The following SENP5 variants were observed in gnomAD, a reference collection of about 807,000 sequenced individuals.
The protein encoded by SENP5 is SUMO specific peptidase 5.
A neutral mutation model predicts 74.2 loss-of-function variants in SENP5; 21 were observed. That is an observed-to-expected ratio of 0.28 (90% CI 0.20 to 0.41). The LOEUF (loss-of-function observed/expected upper bound fraction) is 0.41, where lower values mean the gene tolerates loss of function less well. SENP5 is among the 10% of genes least tolerant of loss of function. SENP5 has a pLI of 1.00. For synonymous variants in SENP5, 311 were observed against 312.7 expected (o/e 0.99, Z 0.06); for missense variants, 717 against 889.1 (o/e 0.81, Z 2.46).
intron 7 of SENP5, 64 bp downstream of exon 7, chr3:196,923,615 T>C: frequency 9.0e-7 from 1 of 1,114,270 alleles, no homozygotes; most frequent in Non-Finnish European, 1.3e-6. Flanking sequence ...ATCTTAGCTC[T>C]AGATAGAACA....
At position 196,931,848 on chromosome 3, in the gene SENP5, A is replaced by G; in HGVS notation, c.*925A>G. 4.6e-6 allele frequency: 2 copies of G among 430,460 alleles called. No homozygotes were observed. The highest frequency in any genetic ancestry group is 3.3e-5 in the South Asian group (2 of 60,046). 26.7% of individuals were successfully genotyped at this position (430,460 alleles called of 1,614,324 possible). On this transcript the variant is annotated 3_prime_UTR_variant, in exon 10 of 10. Coordinates refer to ENST00000323460, the MANE Select transcript of SENP5 (RefSeq NM_152699.5). ...GTTAAGGTTTACCAAATGCATTTCT[A>G]TTTCAAGGGTATCTGAAACGTAAAC...
At chr3:196,898,500 C>T (rs1188286310) in intron 2 of SENP5, among the ~76,000 whole-genome samples, 2 of 151,540 alleles carry the variant, frequency 1.3e-5, no homozygotes, top group African/African-American at 2.4e-5. Context: ...ACTATCCAAG[C>T]AGGAGGATGG....
chr3:196,930,419 G>A (rs1188784665), intron 9 of SENP5, among the ~76,000 whole-genome samples: 1 of 152,044 alleles, frequency 6.6e-6, no homozygotes, highest in African/African-American at 2.4e-5. Context: ...CTATAATTTG[G>A]GTAAATGCTT....
intron 1 of SENP5, among the ~76,000 whole-genome samples, chr3:196,878,085 G>A (rs1425677881): frequency 6.6e-6 from 1 of 152,130 alleles, no homozygotes; most frequent in Non-Finnish European, 1.5e-5. Context: ...CAACAATATC[G>A]TGAAAGCTGG....
rs754002717 is a variant in SENP5, at chr3:196,927,807, G to T, written c.2034G>T (p.Lys678Asn). Residue 678 changes from lysine (K) to asparagine (N), a missense_variant, in exon 8 of 10, where the codon AAG becomes AAT. Coordinates refer to ENST00000323460, the MANE Select transcript of SENP5 (RefSeq NM_152699.5). Reference sequence around the variant, plus strand: ...TTCTTTTTAACCAGAATATAAGAAAGTATTTGCTGACTGAAGCCAGAGAAA... The same window carrying T: ...TTCTTTTTAACCAGAATATAAGAAATTATTTGCTGACTGAAGCCAGAGAAA... ...HFKFCVENIR[K>N]YLLTEAREKN... is the part of the protein sequence containing the mutation. 6.2e-7 allele frequency: 1 copy of T among 1,606,042 alleles called. No individual in the cohort carries two copies.
chr3:196,900,069 A>G lies in SENP5; in HGVS notation c.1758+7A>G, dbSNP rs754991048. ...GAACTGGCTGAATGACCAGGTTAGTATATTGTAGTTTTTCAGTGTGGAGAA... is the reference window on the plus strand; with the variant it reads ...GAACTGGCTGAATGACCAGGTTAGTGTATTGTAGTTTTTCAGTGTGGAGAA... On this transcript the variant is annotated splice_region_variant and intron_variant, in intron 4 of 9. Coordinates refer to ENST00000323460, the MANE Select transcript of SENP5 (RefSeq NM_152699.5). 1 of 1,606,924 alleles carries G rather than the reference A, an allele frequency of 6.2e-7. No individual in the cohort carries two copies. The highest frequency in any genetic ancestry group is 1.3e-5 in the African/African-American group (1 of 74,588).
intron 5 of SENP5, among the ~76,000 whole-genome samples, chr3:196,903,084 GGAA>G (rs757712024): frequency 1.3e-5 from 2 of 152,016 alleles, no homozygotes; most frequent in African/African-American, 2.4e-5. Flanking sequence ...ATAAAACTTT[GGAA>G]CAGCATTTTC....
chr3:196,899,605 A>G, intron 2 of SENP5, 61 bp from the exon 3 acceptor site: 1 of 987,310 alleles, frequency 1.0e-6, no homozygotes, highest in Non-Finnish European at 1.6e-6. Flanking sequence ...TGTTTGGAGA[A>G]TGACTCTACT....
intron 1 of SENP5, among the ~76,000 whole-genome samples, chr3:196,873,956 G>A (rs35243253): frequency 0.19 from 28,108 of 151,828 alleles, 3,430 homozygotes; most frequent in Non-Finnish European, 0.24. Context: ...TTCTGCCTCA[G>A]CCTCTTGAGT....
chr3:196,919,083 G>C (rs1364384402), intron 6 of SENP5, among the ~76,000 whole-genome samples: 1 of 152,004 alleles, frequency 6.6e-6, no homozygotes, highest in Non-Finnish European at 1.5e-5. Context: ...TCACAAAGAA[G>C]GCAAGAAAAC....
chr3:196,919,923 G>C (rs1341503241), intron 6 of SENP5, among the ~76,000 whole-genome samples: 1 of 151,290 alleles, frequency 6.6e-6, no homozygotes, highest in Non-Finnish European at 1.5e-5. Flanking sequence ...TGGATTTTCT[G>C]TTCTCTTACA....
At chr3:196,891,087 G>A (rs1714180077) in intron 2 of SENP5, among the ~76,000 whole-genome samples, 4 of 152,070 alleles carry the variant, frequency 2.6e-5, no homozygotes, top group Non-Finnish European at 5.9e-5. Flanking sequence ...ATAAAATTTG[G>A]TATATCTATA....
intron 1 of SENP5, among the ~76,000 whole-genome samples, chr3:196,868,335 G>GC (rs899546782): frequency 6.6e-6 from 1 of 152,208 alleles, no homozygotes; most frequent in African/African-American, 2.4e-5. Context: ...GGAAGCTGGC[G>GC]CCCCCCAGCT....
chr3:196,925,294 A>T (rs1715772148), intron 7 of SENP5, among the ~76,000 whole-genome samples: 1 of 152,074 alleles, frequency 6.6e-6, no homozygotes, highest in Admixed American at 6.5e-5. Context: ...CATTTCCAAG[A>T]AATCCAGGAA....
chr3:196,914,586 A>AAAAAAAAAAAAAAAAAATATAT, intron 6 of SENP5: 1 of 33,510 alleles, frequency 3.0e-5, no homozygotes, highest in Non-Finnish European at 5.1e-5. Context: ...AAAAAAAAAA[A>AAAAAAAAAAAAAAAAAATATAT]ATATATATAT....
At chr3:196,919,482 A>G (rs1002395224) in intron 6 of SENP5, among the ~76,000 whole-genome samples, 1 of 152,162 alleles carries the variant, frequency 6.6e-6, no homozygotes, top group Non-Finnish European at 1.5e-5. Flanking sequence ...CTCCATCTCA[A>G]AACAAACAAA....
chr3:196,871,908 T>C (rs1713234445), intron 1 of SENP5, among the ~76,000 whole-genome samples: 1 of 152,190 alleles, frequency 6.6e-6, no homozygotes, highest in Non-Finnish European at 1.5e-5. Context: ...GGTTTTTATT[T>C]TTTAAAGCAT....
chr3:196,905,812 C>CT (rs1304625488), intron 6 of SENP5, among the ~76,000 whole-genome samples: 1 of 152,122 alleles, frequency 6.6e-6, no homozygotes, highest in East Asian at 1.9e-4. Flanking sequence ...CTTCTCTTCT[C>CT]TCCCTGGTGG....
At chr3:196,930,108 G>A (rs147974121) in intron 9 of SENP5, among the ~76,000 whole-genome samples, 5 of 152,104 alleles carry the variant, frequency 3.3e-5, no homozygotes, top group African/African-American at 9.6e-5. Context: ...CTTAGAGATC[G>A]AAAAGGGCTA....
Sources: gnomAD v4.1 joint callset for allele counts (sites outside exome capture counted in the v4.1 genomes callset) on GRCh38, gnomAD v4.1.1 for gene constraint, MANE v1.5 for transcripts, NCBI Gene and HGNC (gene_info 2026-07-23, HGNC 2026-07-21) for gene names.